The following JMJD1C variants were observed in gnomAD, a reference collection of about 807,000 sequenced individuals.
The protein encoded by JMJD1C is jumonji domain containing 1C, also known as jumonji domain-containing protein 1C.
Under a neutral mutation model 245.3 loss-of-function variants are expected in JMJD1C, and 31 were observed. The ratio of observed to expected loss-of-function variants is 0.13; its 90% CI spans 0.09 to 0.17. JMJD1C has a LOEUF of 0.17. Ranked by LOEUF, JMJD1C falls within the 10% of genes least tolerant of loss-of-function variation. The probability of loss-of-function intolerance (pLI) is 1.00; values close to 1 mark genes in which losing one functional copy is unlikely to be tolerated. For missense variants in JMJD1C, 2,691 were observed against 3,000.2 expected, an observed-to-expected ratio of 0.90 and a Z score of 2.41; for synonymous variants, 1,057 against 1,017.4, an observed-to-expected ratio of 1.04 and a Z score of -0.74.
rs528395813 is a variant in JMJD1C, at chr10:63,278,558, C to A, written c.334-13794G>T. Among the ~76,000 whole-genome samples the A allele has an allele frequency of 2.3e-4, 35 of 150,364 alleles. No individual in the cohort carries two copies. The East Asian group carries it at 4.3e-3, about 18-fold the overall frequency. On this transcript the variant is annotated intron_variant, in intron 2 of 25. Coordinates refer to ENST00000399262, the MANE Select transcript of JMJD1C (RefSeq NM_032776.3). ...AAAAGCAAGCAAACAAACAAACAAA[C>A]AAAAAAAAGAGTACTGATTAGTAGT...
At chr10:63,343,634 C>T (rs955591705) in intron 2 of JMJD1C, among the ~76,000 whole-genome samples, 18 of 152,094 alleles carry the variant, frequency 1.2e-4, no homozygotes, top group Admixed American at 9.8e-4. Flanking sequence ...CAGTCAACAA[C>T]GGACCACATA....
chr10:63,209,154 T>G lies in JMJD1C; in HGVS notation c.2776A>C (p.Arg926=), dbSNP rs1439217873. The G allele has an allele frequency of 6.2e-7, 1 of 1,613,988 alleles. No homozygotes were observed. Among genetic ancestry groups the G allele is most frequent in the South Asian group, 1.1e-5 (1 of 91,076 alleles). ...GIGLLSHIPV[R]PSSAEPHRPL... is the part of the protein sequence containing the mutation. Reference sequence around the variant, plus strand: ...CGATGAGGCTCTGCACTGGAAGGTCTGACAGGAATGTGACTAAGTAATCCA... The same window carrying G: ...CGATGAGGCTCTGCACTGGAAGGTCGGACAGGAATGTGACTAAGTAATCCA... The change falls in exon 9 of 26, where the codon AGA becomes CGA. Residue 926 remains arginine, a synonymous_variant. Coordinates refer to ENST00000399262, the MANE Select transcript of JMJD1C (RefSeq NM_032776.3).
intron 3 of JMJD1C, among the ~76,000 whole-genome samples, chr10:63,262,664 G>A (rs1305839034): frequency 6.6e-6 from 1 of 152,124 alleles, no homozygotes; most frequent in Non-Finnish European, 1.5e-5. Context: ...CTTCACTTCT[G>A]GAAGATATGG....
chr10:63,333,071 T>C (rs1007919429), intron 2 of JMJD1C, among the ~76,000 whole-genome samples: 1 of 151,952 alleles, frequency 6.6e-6, no homozygotes, highest in Non-Finnish European at 1.5e-5. Context: ...AAACACAGTT[T>C]TTATAACACT....
At chr10:63,219,488 C>T (rs556017933) in intron 4 of JMJD1C, among the ~76,000 whole-genome samples, 7 of 152,218 alleles carry the variant, frequency 4.6e-5, no homozygotes, top group African/African-American at 1.4e-4. Flanking sequence ...AAAAGGTGCA[C>T]TGAAATAGGC....
intron 2 of JMJD1C, among the ~76,000 whole-genome samples, chr10:63,374,334 G>A (rs993813689): frequency 1.3e-5 from 2 of 152,174 alleles, no homozygotes; most frequent in African/African-American, 4.8e-5. Flanking sequence ...AATTAGCAGA[G>A]AAAGAGTAAC....
At chr10:63,388,200 C>G (rs1298758891) in intron 1 of JMJD1C, among the ~76,000 whole-genome samples, 5 of 152,072 alleles carry the variant, frequency 3.3e-5, no homozygotes, top group Admixed American at 3.3e-4. Context: ...AAAAATGTCA[C>G]TAAGTCAAAG....
intron 1 of JMJD1C, among the ~76,000 whole-genome samples, chr10:63,455,819 AC>A (rs1345284678): frequency 6.6e-6 from 1 of 152,156 alleles, no homozygotes; most frequent in African/African-American, 2.4e-5. Context: ...TTTCCAAGAC[AC>A]CAAAGAAAGC....
chr10:63,323,333 G>T (rs531588674), intron 2 of JMJD1C, among the ~76,000 whole-genome samples: 146 of 152,190 alleles, frequency 9.6e-4, no homozygotes, highest in Non-Finnish European at 1.5e-3. Context: ...AGTCCATCCT[G>T]GCCAACATGG....
chr10:63,479,284 T>C (rs568709005), intron 1 of JMJD1C, among the ~76,000 whole-genome samples: 2 of 151,872 alleles, frequency 1.3e-5, no homozygotes, highest in South Asian at 4.2e-4. Context: ...TTTTTTTTTT[T>C]TTGGCTGGAA....
chr10:63,224,444 T>C (rs1363674633), intron 3 of JMJD1C, among the ~76,000 whole-genome samples: 1 of 152,230 alleles, frequency 6.6e-6, no homozygotes, highest in Non-Finnish European at 1.5e-5. Context: ...ATGACAGGCA[T>C]TGTTGTTGAA....
In JMJD1C at chr10:63,507,134, T is replaced by C. The variant is rs547600918; in HGVS notation, n.113+14604A>G. On this transcript the variant is annotated intron_variant and non_coding_transcript_variant, in intron 1 of 3. Coordinates refer to the JMJD1C transcript ENST00000633035. ...TAGTGCTAATATTTCATTGTCAAAA[T>C]GTACCTTAACTCATTTATGCATTTA... 4.6e-5 allele frequency among the ~76,000 whole-genome samples: 7 copies of C among 152,344 alleles called. No homozygotes were observed. The East Asian group carries it at 1.2e-3, about 25-fold the overall frequency.
At chr10:63,327,491 G>A (rs995102697) in intron 2 of JMJD1C, among the ~76,000 whole-genome samples, 24 of 152,074 alleles carry the variant, frequency 1.6e-4, no homozygotes, top group Admixed American at 1.4e-3. Flanking sequence ...ATTTGGGCTA[G>A]ATATACACCT....
intron 3 of JMJD1C, chr10:63,222,671 G>C (rs539873996): frequency 6.5e-7 from 1 of 1,540,236 alleles, no homozygotes; most frequent in African/African-American, 1.4e-5. Flanking sequence ...AGAGGGAGTG[G>C]TGCATTCATT....
chr10:63,268,913 G>A (rs745916684), intron 2 of JMJD1C: 8 of 985,680 alleles, frequency 8.1e-6, no homozygotes, highest in African/African-American at 1.7e-5. Context: ...AACCTAACAA[G>A]TCTCCAACGA....
chr10:63,443,203 G>A (rs1016488760), intron 1 of JMJD1C, among the ~76,000 whole-genome samples: 5 of 152,214 alleles, frequency 3.3e-5, no homozygotes, highest in African/African-American at 1.2e-4. Flanking sequence ...AATGCATGGG[G>A]TGAGGTAGGA....
chr10:63,218,026 C>T (rs1337020283), intron 4 of JMJD1C, among the ~76,000 whole-genome samples: 1 of 151,962 alleles, frequency 6.6e-6, no homozygotes, highest in Non-Finnish European at 1.5e-5. Flanking sequence ...GAGATGAAAA[C>T]GATCTTTAAT....
intron 1 of JMJD1C, among the ~76,000 whole-genome samples, chr10:63,397,616 C>T (rs1948590299): frequency 6.6e-6 from 1 of 152,092 alleles, no homozygotes. Flanking sequence ...TCATTGCAGC[C>T]TCAAATTCCT....
intron 3 of JMJD1C, among the ~76,000 whole-genome samples, chr10:63,249,859 T>TAA (rs112361874): frequency 0.014 from 1,915 of 140,322 alleles, 24 homozygotes; most frequent in African/African-American, 0.034. Flanking sequence ...GACTCCATCT[T>TAA]AAAAAAAAAA....
Sources: gnomAD v4.1 joint callset for allele counts (sites outside exome capture counted in the v4.1 genomes callset) on GRCh38, gnomAD v4.1.1 for gene constraint, MANE v1.5 for transcripts, NCBI Gene and HGNC (gene_info 2026-07-23, HGNC 2026-07-21) for gene names.